ODAD4: variants seen among roughly 807,000 people sequenced by gnomAD.
The protein encoded by ODAD4 is outer dynein arm-docking complex subunit 4.
A neutral mutation model predicts 51.8 loss-of-function variants in ODAD4; 49 were observed. That is an observed-to-expected ratio of 0.95 (90% confidence interval 0.75 to 1.20). ODAD4 has a LOEUF of 1.20. Ranked by LOEUF, ODAD4 falls within the 50% of genes most tolerant of loss-of-function variation. The pLI is 0.00. For synonymous variants in ODAD4, 235 were observed against 221.3 expected, an observed-to-expected ratio of 1.06 and a Z score of -0.55; for missense variants, 590 against 586.5, an observed-to-expected ratio of 1.01 and a Z score of -0.06.
chr17:41,939,282 G>A (rs2050474156), intron 7 of ODAD4, 110 bp downstream of exon 7: 1 of 1,075,348 alleles, frequency 9.3e-7, no homozygotes, highest in East Asian at 2.6e-5. Context: ...TTTCTGCTCT[G>A]CATGCCTGAG....
intron 5 of ODAD4, among the ~76,000 whole-genome samples, chr17:41,937,894 G>A (rs1479880587): frequency 2.6e-5 from 4 of 152,216 alleles, no homozygotes; most frequent in African/African-American, 7.2e-5. Context: ...CCTGAGCAGG[G>A]TCACCTGTGA....
intron 11 of ODAD4, among the ~76,000 whole-genome samples, chr17:41,962,886 G>A (rs71373478): frequency 0.097 from 14,811 of 152,238 alleles, 971 homozygotes; most frequent in Non-Finnish European, 0.14. Flanking sequence ...ATCCTTTCTG[G>A]TCCAGGCAGG....
In ODAD4 at chr17:41,936,881, G is replaced by A. The variant is rs1555637918; in HGVS notation, c.579G>A (p.Glu193=). ...AGACTGTCCGCCAGCTTCTGGGGGAGCTCTACGTGGACAAAGAGTATTTGG... is the reference window on the plus strand; with the variant it reads ...AGACTGTCCGCCAGCTTCTGGGGGAACTCTACGTGGACAAAGAGTATTTGG... ...SEKTVRQLLG[E]LYVDKEYLEK... Residue 193 remains glutamate (E), a synonymous_variant, in exon 5 of 12, where the codon GAG becomes GAA. Coordinates refer to ENST00000377540, the MANE Select transcript of ODAD4 (RefSeq NM_031421.5). 2 of 1,613,958 alleles carry A rather than the reference G, an allele frequency of 1.2e-6. No homozygotes were observed. Among genetic ancestry groups the A allele is most frequent in the Non-Finnish European group, 1.7e-6 (2 of 1,179,890 alleles).
At chr17:41,955,346 G>A (rs1489670430) in intron 10 of ODAD4, 29 bp downstream of exon 10, 1 of 754,982 alleles carries the variant, frequency 1.3e-6, no homozygotes, top group East Asian at 2.5e-5. Context: ...CGGGCTTCGG[G>A]TGTCAGGAGT....
Position 41,945,140 on chromosome 17 carries a change from C to T in ODAD4, c.1063C>T (p.Leu355Phe). Residue 355 changes from leucine to phenylalanine, a missense_variant, in exon 8 of 12, where the codon CTT (leucine) becomes TTT (phenylalanine). Leu to Phe is a conservative substitution (Grantham distance 22, BLOSUM62 0). Around this residue, in one of 3 missense-constraint regions of ODAD4, gnomAD observed 226 missense variants for 162.7 expected, o/e 1.39. Transcript: ENST00000377540. ...KDLEIAKEYD[L>F]PDAKSRALDN... is the part of the protein sequence containing the mutation. ...TGTTTTGCTTCTTCCCCACAGTGAC[C>T]TTCCTGATGCAAAATCGAGAGCCCT... 1.2e-6 allele frequency: 2 copies of T among 1,612,812 alleles called. No homozygotes were observed. Among genetic ancestry groups the T allele is most frequent in the African/African-American group, 2.7e-5 (2 of 75,000 alleles).
chr17:41,938,761 G>A lies in ODAD4; in HGVS notation c.830G>A (p.Ser277Asn). ...CAGACAGCCCATTACATCCTCAAGAGCCTGGAGGACATTGATATGTGTAGG... is the reference window on the plus strand; with the variant it reads ...CAGACAGCCCATTACATCCTCAAGAACCTGGAGGACATTGATATGTGTAGG... ...PSQTAHYILK[S>N]LEDIDMLLTS... The change falls in exon 6 of 12, where the codon AGC becomes AAC. Residue 277 changes from serine to asparagine, a missense_variant. Ser to Asn is a conservative substitution (Grantham distance 46). This residue lies in a region of ODAD4 where 360 missense variants were observed against 407.5 expected (regional missense o/e 0.88). Transcript: ENST00000377540. 1 of 1,613,288 alleles carries A rather than the reference G, an allele frequency of 6.2e-7. No individual in the cohort carries two copies. Among genetic ancestry groups the A allele is most frequent in the Non-Finnish European group, 8.5e-7 (1 of 1,179,846 alleles).
At chr17:41,932,412 C>T (rs1460168765) in intron 1 of ODAD4, among the ~76,000 whole-genome samples, 1 of 152,128 alleles carries the variant, frequency 6.6e-6, no homozygotes, top group African/African-American at 2.4e-5. Flanking sequence ...AGAAGTTGAG[C>T]AACATGCCCA....
intron 11 of ODAD4, among the ~76,000 whole-genome samples, 168 bp downstream of exon 11, chr17:41,961,634 G>C (rs572518801): frequency 6.6e-6 from 1 of 152,356 alleles, no homozygotes; most frequent in East Asian, 1.9e-4. Context: ...CTCTGGGGCA[G>C]TAGAGGGTGA....
At position 41,945,133 on chromosome 17, in the gene ODAD4, C is replaced by G; in HGVS notation, c.1059-3C>G. 1 of 1,612,210 alleles carries G rather than the reference C, an allele frequency of 6.2e-7. No homozygotes were observed. Among genetic ancestry groups the G allele is most frequent in the African/African-American group, 1.3e-5 (1 of 75,020 alleles). ...AATGGCTTGTTTTGCTTCTTCCCCACAGTGACCTTCCTGATGCAAAATCGA... is the reference window on the plus strand; with the variant it reads ...AATGGCTTGTTTTGCTTCTTCCCCAGAGTGACCTTCCTGATGCAAAATCGA... On this transcript the variant is annotated splice_polypyrimidine_tract_variant and splice_region_variant and intron_variant, in intron 7 of 11. Transcript: ENST00000377540.
rs1279260478 is a variant in ODAD4, at chr17:41,960,180, C to T, written c.1444-1202C>T. ...GTCCTAGCCCACAAGAAGATTACAA[C>T]GAAAGGCCAGACACAGTGGCTCACA... is the stretch of plus-strand genomic sequence containing the variant. On this transcript the variant is annotated intron_variant, in intron 10 of 11. Coordinates refer to ENST00000377540, the MANE Select transcript of ODAD4 (RefSeq NM_031421.5). Among the ~76,000 whole-genome samples, 11 of 152,208 alleles carry T rather than the reference C, an allele frequency of 7.2e-5. No individual in the cohort carries two copies. In the South Asian group the frequency reaches 1.0e-3, roughly 14 times the overall value.
intron 3 of ODAD4, 95 bp downstream of exon 3, chr17:41,935,844 AC>A: frequency 6.9e-7 from 1 of 1,456,556 alleles, no homozygotes; most frequent in South Asian, 1.2e-5. Context: ...AGCAGCCACC[AC>A]CAGGCCCGCA....
At chr17:41,945,023 T>C (rs2050566688) in intron 7 of ODAD4, 113 bp from the exon 8 acceptor site, 3 of 798,474 alleles carry the variant, frequency 3.8e-6, no homozygotes, top group Middle Eastern at 5.2e-4. Context: ...TCCCTCCAAC[T>C]GAAACCCTGA....
rs1598070698 is a variant in ODAD4, at chr17:41,935,819, G to T, written c.397+70G>T. On this transcript the variant is annotated intron_variant, in intron 3 of 11. Transcript: ENST00000377540. ...GAATCCTTAGGTTTAGAGGAAGGTTGAGTCACAGCAGGTGAGCAGCCACCA... is the reference window on the plus strand; with the variant it reads ...GAATCCTTAGGTTTAGAGGAAGGTTTAGTCACAGCAGGTGAGCAGCCACCA... 3.8e-6 allele frequency: 6 copies of T among 1,576,620 alleles called. No homozygotes were observed. In the East Asian group the frequency reaches 1.4e-4, roughly 36 times the overall value.
intron 7 of ODAD4, among the ~76,000 whole-genome samples, chr17:41,944,432 ACACACACACACACC>A (rs1313892608): frequency 0.024 from 266 of 10,916 alleles, 10 homozygotes; most frequent in African/African-American, 0.033. Context: ...ACACACACAC[ACACACACACACACC>A]CCCCCGCATA....
At position 41,930,704 on chromosome 17, in the gene ODAD4, C is replaced by T. The variant is rs782802271; in HGVS notation, c.-20C>T. 4.7e-6 allele frequency: 7 copies of T among 1,484,986 alleles called. No homozygotes were observed. The highest frequency in any genetic ancestry group is 5.6e-6 in the Non-Finnish European group (6 of 1,070,588). 92.0% of individuals were successfully genotyped at this position (1,484,986 alleles called of 1,614,324 possible). A position where few individuals can be genotyped will look rare whatever the true frequency, so the allele number is the denominator to read the frequency against. On this transcript the variant is annotated 5_prime_UTR_variant, in exon 1 of 12. Transcript: ENST00000377540. The stretch of plus-strand genomic sequence containing the variant: ...TTTTCTTTGATTGTCTCTGCTTTAG[C>T]GTCTCTAAATCCGGTCACCATGTCG...
chr17:41,952,123 C>G (rs1408287619), intron 9 of ODAD4, among the ~76,000 whole-genome samples: 1 of 151,864 alleles, frequency 6.6e-6, no homozygotes, highest in African/African-American at 2.4e-5. Flanking sequence ...AATCCCTGCA[C>G]TTTGGGAGGC....
intron 1 of ODAD4, among the ~76,000 whole-genome samples, chr17:41,934,038 C>CTTTTTTT (rs782039270): frequency 7.3e-4 from 48 of 65,516 alleles, no homozygotes; most frequent in African/African-American, 1.2e-3. Flanking sequence ...TTCTTTCTTT[C>CTTTTTTT]TTTTTTTTTT....
At chr17:41,963,066 G>C (rs903595235) in intron 11 of ODAD4, among the ~76,000 whole-genome samples, 6 of 152,192 alleles carry the variant, frequency 3.9e-5, no homozygotes, top group African/African-American at 1.2e-4. Flanking sequence ...GAGACTCTGC[G>C]GGGAAGCAGC....
intron 1 of ODAD4, among the ~76,000 whole-genome samples, chr17:41,933,988 CT>C (rs2144487765): frequency 7.5e-6 from 1 of 133,330 alleles, no homozygotes; most frequent in East Asian, 2.2e-4. Context: ...TTTTTTTTTT[CT>C]TTCTTGTTTT....
Sources: gnomAD v4.1 joint callset for allele counts (sites outside exome capture counted in the v4.1 genomes callset) on GRCh38, gnomAD v4.1.1 for gene constraint, gnomAD v4.1.1 regional missense constraint, MANE v1.5 for transcripts, NCBI Gene and HGNC (gene_info 2026-07-23, HGNC 2026-07-21) for gene names.